Variants in CEP57 observed in about 807,000 individuals in gnomAD.
The protein encoded by CEP57 is centrosomal protein 57.
Under a neutral mutation model 68.0 loss-of-function variants are expected in CEP57, and 40 were observed. That is an observed-to-expected ratio of 0.59 (90% CI 0.46 to 0.77). The LOEUF (loss-of-function observed/expected upper bound fraction) is 0.77, where lower values mean the gene tolerates loss of function less well. CEP57 is among the 30% of genes least tolerant of loss of function. The pLI is 0.00. For missense variants in CEP57, 606 were observed against 580.7 expected, an observed-to-expected ratio of 1.04 and a Z score of -0.45; for synonymous variants, 219 against 198.7, an observed-to-expected ratio of 1.10 and a Z score of -0.86.
intron 8 of CEP57, among the ~76,000 whole-genome samples, chr11:95,824,073 TAAAAAAAA>T (rs71040119): frequency 1.8e-5 from 2 of 112,662 alleles, no homozygotes; most frequent in South Asian, 3.0e-4. Context: ...AGGCCTATTG[TAAAAAAAA>T]AAAAAAAAAA....
chr11:95,814,759 C>G (rs1035805126), intron 4 of CEP57, among the ~76,000 whole-genome samples: 1 of 151,958 alleles, frequency 6.6e-6, no homozygotes, highest in African/African-American at 2.4e-5. Flanking sequence ...ATTATAAAAT[C>G]GGATTGTTTA....
chr11:95,823,386 A>G (rs1051523399), intron 8 of CEP57, among the ~76,000 whole-genome samples: 2 of 152,152 alleles, frequency 1.3e-5, no homozygotes, highest in Admixed American at 1.3e-4. Context: ...TTTTTCAATA[A>G]GTATCTTGGA....
intron 1 of CEP57, among the ~76,000 whole-genome samples, chr11:95,794,560 A>C (rs1447245271): frequency 6.6e-6 from 1 of 151,370 alleles, no homozygotes; most frequent in Non-Finnish European, 1.5e-5. Context: ...TTTTTTTCAA[A>C]CCTTTACTAG....
At chr11:95,826,755 G>A (rs1234792419) in intron 8 of CEP57, 1 of 152,132 alleles carries the variant, frequency 6.6e-6, no homozygotes, top group East Asian at 1.9e-4. Flanking sequence ...TGTACTCATA[G>A]GCAATTAGTA....
In CEP57 at chr11:95,822,582, T is replaced by G; in HGVS notation, c.885+6T>G. On this transcript the variant is annotated splice_donor_region_variant and intron_variant, in intron 8 of 10. Coordinates refer to ENST00000325542, the MANE Select transcript of CEP57 (RefSeq NM_014679.5). The stretch of plus-strand genomic sequence containing the variant: ...TGCCATTTGTAGCTGGGAAGGTGAG[T>G]TGGTCAAACTCCGGATTCTTTTTAT... 6.2e-7 allele frequency: 1 copy of G among 1,610,536 alleles called. No homozygotes were observed. The highest frequency in any genetic ancestry group is 8.5e-7 in the Non-Finnish European group (1 of 1,176,894).
At chr11:95,820,533 C>T (rs1565328361) in intron 6 of CEP57, among the ~76,000 whole-genome samples, 2 of 139,014 alleles carry the variant, frequency 1.4e-5, no homozygotes, top group Non-Finnish European at 1.5e-5. Flanking sequence ...GGAAGTTGCA[C>T]TGAGTTGAGA....
chr11:95,804,957 A>G (rs1861730842), intron 2 of CEP57, among the ~76,000 whole-genome samples: 1 of 152,248 alleles, frequency 6.6e-6, no homozygotes, highest in Admixed American at 6.5e-5. Flanking sequence ...AACGTTACGC[A>G]TTTAAACAGG....
At chr11:95,822,404 C>T in intron 7 of CEP57, 95 bp from the exon 8 acceptor site, 1 of 879,022 alleles carries the variant, frequency 1.1e-6, no homozygotes, top group African/African-American at 1.7e-5. Context: ...AAGTAGTAGC[C>T]TAGTAGTTAA....
At chr11:95,809,231 A>C (rs1396533012) in intron 2 of CEP57, among the ~76,000 whole-genome samples, 1 of 152,218 alleles carries the variant, frequency 6.6e-6, no homozygotes, top group Non-Finnish European at 1.5e-5. Context: ...ATAGCACTAA[A>C]TGCCCACAAG....
At chr11:95,792,729 A>C (rs144518145) in intron 1 of CEP57, among the ~76,000 whole-genome samples, 188 of 152,322 alleles carry the variant, frequency 1.2e-3, no homozygotes, top group Non-Finnish European at 2.2e-3. Flanking sequence ...ACCATAACTC[A>C]ATCTGCTACA....
intron 2 of CEP57, among the ~76,000 whole-genome samples, chr11:95,802,617 T>TA (rs1861630480): frequency 6.6e-6 from 1 of 152,208 alleles, no homozygotes. Flanking sequence ...ACTGGGAATT[T>TA]ATGACAGTGA....
At chr11:95,801,707 G>A (rs1329890694) in intron 2 of CEP57, among the ~76,000 whole-genome samples, 1 of 151,636 alleles carries the variant, frequency 6.6e-6, no homozygotes, top group Non-Finnish European at 1.5e-5. Context: ...ATATTAAGAA[G>A]GCAGATTTAT....
chr11:95,825,007 G>A (rs1862677976), intron 8 of CEP57, among the ~76,000 whole-genome samples: 1 of 152,108 alleles, frequency 6.6e-6, no homozygotes, highest in Non-Finnish European at 1.5e-5. Flanking sequence ...TTAATACTAG[G>A]CATTGCCCCT....
At chr11:95,818,756 G>A in intron 5 of CEP57, 71 bp from the exon 6 acceptor site, 1 of 1,141,394 alleles carries the variant, frequency 8.8e-7, no homozygotes, top group African/African-American at 1.5e-5. Flanking sequence ...ATGTTCCAGT[G>A]CTGCTATATT....
chr11:95,793,632 C>G (rs956169386), intron 1 of CEP57, among the ~76,000 whole-genome samples: 2 of 152,124 alleles, frequency 1.3e-5, no homozygotes, highest in African/African-American at 4.8e-5. Flanking sequence ...ATAGGACTAC[C>G]TGGCAAGGCA....
chr11:95,793,888 G>A (rs1221567006), intron 1 of CEP57, among the ~76,000 whole-genome samples: 3 of 152,118 alleles, frequency 2.0e-5, no homozygotes, highest in African/African-American at 7.2e-5. Context: ...CATGGCAAAT[G>A]TTTCTCTAGA....
At chr11:95,804,598 T>G (rs59216152) in intron 2 of CEP57, among the ~76,000 whole-genome samples, 9,902 of 152,180 alleles carry the variant, frequency 0.065, 409 homozygotes, top group Middle Eastern at 0.13. Context: ...AGGAAGAGAC[T>G]GGATAAAAAA....
chr11:95,829,338 C>CA lies in CEP57; in HGVS notation c.1272+8dup, dbSNP rs567777921. 1.9e-6 allele frequency: 3 copies of CA among 1,611,992 alleles called. No homozygotes were observed. In the South Asian group the frequency reaches 3.3e-5, roughly 18 times the overall value. ...TCGAAAATACCAAGCCCAGGTAACT[C>CA]AGTTTTCCTTCACTCAAGTTTCTAA... is the stretch of plus-strand genomic sequence containing the variant. On this transcript the variant is annotated splice_region_variant and intron_variant, in intron 10 of 10. Transcript: ENST00000325542.
At chr11:95,827,505 C>T in intron 8 of CEP57, 1 of 381,144 alleles carries the variant, frequency 2.6e-6, no homozygotes, top group South Asian at 3.1e-5. Context: ...ATGGTTTGTT[C>T]ACAAAATGGA....
Sources: gnomAD v4.1 joint callset for allele counts (sites outside exome capture counted in the v4.1 genomes callset) on GRCh38, gnomAD v4.1.1 for gene constraint, MANE v1.5 for transcripts, NCBI Gene and HGNC (gene_info 2026-07-23, HGNC 2026-07-21) for gene names.